KAT2B: variants seen among roughly 807,000 people sequenced by gnomAD.
The protein encoded by KAT2B is histone acetyltransferase KAT2B.
KAT2B carries 36 observed loss-of-function variants against 105.9 expected under a neutral mutation model. That is an observed-to-expected ratio of 0.34 (90% CI 0.26 to 0.45). KAT2B has a LOEUF of 0.45. KAT2B is among the 20% of genes least tolerant of loss of function. KAT2B has a pLI of 1.00. For synonymous variants in KAT2B, 397 were observed against 377.9 expected, an observed-to-expected ratio of 1.05 and a Z score of -0.59; for missense variants, 820 against 1,021.6, an observed-to-expected ratio of 0.80 and a Z score of 2.69.
intron 5 of KAT2B, among the ~76,000 whole-genome samples, chr3:20,110,773 A>G (rs1011383653): frequency 4.3e-4 from 66 of 152,142 alleles, no homozygotes; most frequent in African/African-American, 1.6e-3. Flanking sequence ...CACTTTCTAA[A>G]TTAGATGACC....
chr3:20,153,882 A>G lies in KAT2B; in HGVS notation c.*1357A>G, dbSNP rs1260295165. On this transcript the variant is annotated 3_prime_UTR_variant, in exon 18 of 18. Coordinates refer to ENST00000263754, the MANE Select transcript of KAT2B (RefSeq NM_003884.5). ...AAATGGTCATGAATAGTCATTAAAA[A>G]CAGTTGCCAGTGATAATCTGCATGA... The G allele has an allele frequency of 6.6e-6, 1 of 152,436 alleles. No individual in the cohort carries two copies. Among genetic ancestry groups the G allele is most frequent in the East Asian group, 1.9e-4 (1 of 5,202 alleles). The allele number at this position is 152,436 out of a possible 1,614,324, so 9.4% of individuals were successfully genotyped here.
At chr3:20,071,393 G>C (rs923801808) in intron 1 of KAT2B, among the ~76,000 whole-genome samples, 1 of 152,162 alleles carries the variant, frequency 6.6e-6, no homozygotes, top group African/African-American at 2.4e-5. Context: ...GTAAATAAAT[G>C]GTGAGAGTGA....
At chr3:20,122,500 A>C (rs1699327911) in intron 8 of KAT2B, among the ~76,000 whole-genome samples, 168 bp from the exon 9 acceptor site, 1 of 152,188 alleles carries the variant, frequency 6.6e-6, no homozygotes, top group Non-Finnish European at 1.5e-5. Context: ...AGTTATTGTG[A>C]GCTCACAATG....
intron 7 of KAT2B, among the ~76,000 whole-genome samples, chr3:20,117,657 C>T (rs969711463): frequency 2.0e-5 from 3 of 152,150 alleles, no homozygotes; most frequent in Non-Finnish European, 4.4e-5. Flanking sequence ...TTATTGCCTT[C>T]TTGGCTGCTG....
chr3:20,121,247 C>G (rs1390153513), intron 8 of KAT2B, among the ~76,000 whole-genome samples: 2 of 152,200 alleles, frequency 1.3e-5, no homozygotes, highest in Admixed American at 6.5e-5. Context: ...TTACTTTATA[C>G]TGTTCTGCTC....
intron 2 of KAT2B, among the ~76,000 whole-genome samples, chr3:20,092,063 T>C (rs551049103): frequency 1.1e-4 from 16 of 152,256 alleles, no homozygotes; most frequent in African/African-American, 3.8e-4. Flanking sequence ...GAATGGAATG[T>C]TCTGTATATG....
chr3:20,056,796 C>A (rs1698010767), intron 1 of KAT2B, among the ~76,000 whole-genome samples: 1 of 152,114 alleles, frequency 6.6e-6, no homozygotes, highest in Non-Finnish European at 1.5e-5. Flanking sequence ...CAGAGGAGTT[C>A]TAGGTTTTGA....
At chr3:20,128,942 G>C (rs1211479549) in intron 11 of KAT2B, among the ~76,000 whole-genome samples, 2 of 148,084 alleles carry the variant, frequency 1.4e-5, no homozygotes, top group Non-Finnish European at 3.0e-5. Context: ...GGGAGGCGGA[G>C]GTTGCAGTGA....
At chr3:20,040,863 C>CCCGCCTCCTGCCTCT (rs1697704127) in intron 1 of KAT2B, 83 bp downstream of exon 1, 15 of 1,391,860 alleles carry the variant, frequency 1.1e-5, no homozygotes, top group South Asian at 2.9e-5. Context: ...GCTTCCACCT[C>CCCGCCTCCTGCCTCT]CGCCTCCCGC....
At chr3:20,124,412 TGA>T (rs1559324132) in intron 9 of KAT2B, among the ~76,000 whole-genome samples, 1 of 152,030 alleles carries the variant, frequency 6.6e-6, no homozygotes, top group Non-Finnish European at 1.5e-5. Context: ...CATCACATGG[TGA>T]GAGAGGGAAC....
intron 7 of KAT2B, among the ~76,000 whole-genome samples, chr3:20,116,118 A>C (rs1053054640): frequency 4.0e-5 from 6 of 151,450 alleles, no homozygotes; most frequent in African/African-American, 1.5e-4. Flanking sequence ...AATTTCATGT[A>C]TCTCTGGTCC....
At chr3:20,106,108 G>A (rs1698997469) in intron 5 of KAT2B, among the ~76,000 whole-genome samples, 1 of 152,176 alleles carries the variant, frequency 6.6e-6, no homozygotes, top group Non-Finnish European at 1.5e-5. Flanking sequence ...TTTCAGTTCA[G>A]CAAGTCAGTA....
chr3:20,081,449 A>G (rs1008585658), intron 2 of KAT2B, among the ~76,000 whole-genome samples: 1 of 152,202 alleles, frequency 6.6e-6, no homozygotes, highest in African/African-American at 2.4e-5. Context: ...GGTGTTTGCA[A>G]GTCTGACACA....
intron 9 of KAT2B, among the ~76,000 whole-genome samples, chr3:20,124,591 T>C (rs898782041): frequency 1.3e-5 from 2 of 152,226 alleles, no homozygotes; most frequent in Admixed American, 1.3e-4. Context: ...ACATTGGAGA[T>C]TGCATTTCAG....
intron 2 of KAT2B, among the ~76,000 whole-genome samples, chr3:20,078,665 C>A (rs778625185): frequency 2.6e-5 from 4 of 151,794 alleles, no homozygotes; most frequent in Non-Finnish European, 5.9e-5. Context: ...AGCTACCGCA[C>A]CCTTCATCAT....
intron 6 of KAT2B, among the ~76,000 whole-genome samples, chr3:20,112,658 G>A (rs1284823527): frequency 6.6e-6 from 1 of 152,144 alleles, no homozygotes; most frequent in Non-Finnish European, 1.5e-5. Flanking sequence ...GGTAAAAGGC[G>A]TAATTTGAAA....
intron 2 of KAT2B, among the ~76,000 whole-genome samples, chr3:20,074,349 C>A (rs1698381085): frequency 6.6e-6 from 1 of 152,152 alleles, no homozygotes; most frequent in African/African-American, 2.4e-5. Flanking sequence ...AGCCTGAGTT[C>A]AAATCCTAAC....
chr3:20,053,322 G>A (rs1280182579), intron 1 of KAT2B, among the ~76,000 whole-genome samples: 1 of 152,098 alleles, frequency 6.6e-6, no homozygotes, highest in Non-Finnish European at 1.5e-5. Context: ...GATTGCTTGA[G>A]CTCAAGGGTT....
At chr3:20,133,187 G>T (rs977841351) in intron 11 of KAT2B, among the ~76,000 whole-genome samples, 3 of 152,160 alleles carry the variant, frequency 2.0e-5, no homozygotes, top group Non-Finnish European at 4.4e-5. Flanking sequence ...ACATATATTG[G>T]AACTTACTGA....
Sources: gnomAD v4.1 joint callset for allele counts (sites outside exome capture counted in the v4.1 genomes callset) on GRCh38, gnomAD v4.1.1 for gene constraint, MANE v1.5 for transcripts, NCBI Gene and HGNC (gene_info 2026-07-23, HGNC 2026-07-21) for gene names.